The following OR3A2 variants were observed in gnomAD, a reference collection of about 807,000 sequenced individuals.
OR3A2 encodes the protein olfactory receptor 3A2.
For synonymous variants in OR3A2, 126 were observed against 159.3 expected, an observed-to-expected ratio of 0.79 and a Z score of 1.57; for missense variants, 318 against 392.8, an observed-to-expected ratio of 0.81 and a Z score of 1.61.
chr17:3,381,059 C>T (rs964533817), intron 2 of OR3A2, among the ~76,000 whole-genome samples: 3 of 151,802 alleles, frequency 2.0e-5, no homozygotes, highest in Middle Eastern at 3.4e-3. Flanking sequence ...CTCTAGTGCA[C>T]GGATCTCTGT....
At chr17:3,300,046 T>A (rs1489241261) in intron 3 of OR3A2, among the ~76,000 whole-genome samples, 1 of 152,036 alleles carries the variant, frequency 6.6e-6, no homozygotes, top group Non-Finnish European at 1.5e-5. Flanking sequence ...AGTAACTTAC[T>A]TAATGTTACC....
intron 2 of OR3A2, among the ~76,000 whole-genome samples, chr17:3,364,173 C>T (rs1047973579): frequency 6.6e-6 from 1 of 152,126 alleles, no homozygotes; most frequent in Non-Finnish European, 1.5e-5. Flanking sequence ...ATTATTGTGA[C>T]AGAGGAAGCA....
intron 3 of OR3A2, among the ~76,000 whole-genome samples, chr17:3,315,497 C>T (rs150047780): frequency 0.017 from 2,628 of 152,008 alleles, 80 homozygotes; most frequent in African/African-American, 0.059. Flanking sequence ...TTTTGAGAAG[C>T]GTCTGTTCAT....
chr17:3,315,000 T>G (rs928873308), intron 3 of OR3A2, among the ~76,000 whole-genome samples: 1 of 152,218 alleles, frequency 6.6e-6, no homozygotes, highest in East Asian at 1.9e-4. Flanking sequence ...ATCCATGTTG[T>G]GGCAAAGGAC....
intron 2 of OR3A2, among the ~76,000 whole-genome samples, chr17:3,353,830 ATTG>A (rs2049441053): frequency 6.6e-6 from 1 of 151,806 alleles, no homozygotes; most frequent in Admixed American, 6.6e-5. Context: ...ATCCAATTAT[ATTG>A]TTATTTTAAA....
chr17:3,349,388 T>G (rs2150652688), intron 2 of OR3A2, among the ~76,000 whole-genome samples: 1 of 151,818 alleles, frequency 6.6e-6, no homozygotes, highest in East Asian at 1.9e-4. Flanking sequence ...AATCCTAGTC[T>G]CTGATAAAAC....
intron 1 of OR3A2, among the ~76,000 whole-genome samples, chr17:3,385,086 C>T (rs533119601): frequency 3.3e-5 from 5 of 152,198 alleles, no homozygotes; most frequent in South Asian, 4.2e-4. Flanking sequence ...CCCAGCTACT[C>T]GGGAGGCTGA....
chr17:3,310,196 G>T (rs2049029404), intron 3 of OR3A2: 1 of 421,806 alleles, frequency 2.4e-6, no homozygotes, highest in African/African-American at 2.0e-5. Flanking sequence ...TCCCGGCCCT[G>T]TCCTGGACAT....
chr17:3,353,524 T>C (rs1454522485), intron 2 of OR3A2, among the ~76,000 whole-genome samples: 1 of 151,894 alleles, frequency 6.6e-6, no homozygotes, highest in South Asian at 2.1e-4. Flanking sequence ...GCTTTCATTA[T>C]GTTGAGGTAT....
intron 2 of OR3A2, among the ~76,000 whole-genome samples, chr17:3,375,783 T>C (rs1038630505): frequency 2.6e-5 from 4 of 152,238 alleles, no homozygotes; most frequent in Non-Finnish European, 4.4e-5. Flanking sequence ...TTTTGTCCCA[T>C]GGGGTGATCC....
upstream of OR3A2, among the ~76,000 whole-genome samples, chr17:3,286,280 A>G (rs8067198): frequency 0.2 from 30,023 of 151,984 alleles, 3,903 homozygotes; most frequent in African/African-American, 0.36. Context: ...ATTCCATGGT[A>G]TATATGTGCC....
At chr17:3,298,422 C>T (rs1249858115) in intron 3 of OR3A2, 5 of 152,302 alleles carry the variant, frequency 3.3e-5, no homozygotes, top group South Asian at 2.1e-4. Flanking sequence ...GTTGTAGGAA[C>T]CTGGTTCAGC....
intron 2 of OR3A2, among the ~76,000 whole-genome samples, chr17:3,337,494 A>C (rs2049282329): frequency 1.3e-5 from 2 of 151,462 alleles, no homozygotes; most frequent in African/African-American, 4.9e-5. Flanking sequence ...CTCATTGTTC[A>C]TTTCTCACAT....
chr17:3,319,790 G>A (rs1465402889), intron 3 of OR3A2, among the ~76,000 whole-genome samples: 1 of 152,158 alleles, frequency 6.6e-6, no homozygotes, highest in Middle Eastern at 3.2e-3. Flanking sequence ...GGACATCTGG[G>A]TTGGTTCCAA....
At chr17:3,365,448 T>C (rs959526039) in intron 2 of OR3A2, among the ~76,000 whole-genome samples, 2 of 152,190 alleles carry the variant, frequency 1.3e-5, no homozygotes, top group Admixed American at 6.5e-5. Context: ...TTGTCACCTT[T>C]TGCCCCTTAC....
At chr17:3,310,890 A>T in intron 3 of OR3A2, 1 of 852,226 alleles carries the variant, frequency 1.2e-6, no homozygotes, top group South Asian at 1.3e-5. Context: ...CTCCTGCTCC[A>T]GTGTTCATCT....
At chr17:3,342,966 A>T (rs1057187025) in intron 2 of OR3A2, among the ~76,000 whole-genome samples, 12 of 152,064 alleles carry the variant, frequency 7.9e-5, no homozygotes, top group African/African-American at 2.9e-4. Flanking sequence ...GCAATGGTGG[A>T]CGCCCCTCCT....
At chr17:3,323,154 T>A (rs1231768968) in intron 3 of OR3A2, among the ~76,000 whole-genome samples, 1 of 152,172 alleles carries the variant, frequency 6.6e-6, no homozygotes, top group Non-Finnish European at 1.5e-5. Flanking sequence ...CTTTGTTGGT[T>A]TAAAGTCTGT....
intron 3 of OR3A2, among the ~76,000 whole-genome samples, chr17:3,326,393 A>T (rs561731781): frequency 3.5e-4 from 54 of 152,220 alleles, no homozygotes; most frequent in South Asian, 6.2e-4. Flanking sequence ...GAACATAGGC[A>T]TCGGCAAAGA....
Sources: gnomAD v4.1 joint callset for allele counts (sites outside exome capture counted in the v4.1 genomes callset) on GRCh38, gnomAD v4.1.1 for gene constraint, MANE v1.5 for transcripts, NCBI Gene and HGNC (gene_info 2026-07-23, HGNC 2026-07-21) for gene names.